The following ARHGEF26 variants were observed in gnomAD, a reference collection of about 807,000 sequenced individuals.
ARHGEF26 encodes the protein Rho guanine nucleotide exchange factor 26, also known as Rho guanine nucleotide exchange factor (GEF) 26.
Under a neutral mutation model 89.4 loss-of-function variants are expected in ARHGEF26, and 59 were observed. That is an observed-to-expected ratio of 0.66 (90% CI 0.54 to 0.82). The LOEUF is 0.82. Among genes scored for constraint, ARHGEF26 ranks in the 40% least tolerant of loss-of-function variants. The pLI, the probability that ARHGEF26 is intolerant of heterozygous loss-of-function variation, is 0.00. For missense variants in ARHGEF26, 1,234 were observed against 1,085.6 expected, an observed-to-expected ratio of 1.14 and a Z score of -1.92; for synonymous variants, 500 against 428.4, an observed-to-expected ratio of 1.17 and a Z score of -2.06.
chr3:154,124,372 CTT>C (rs10688646), intron 2 of ARHGEF26, 36 bp from the exon 3 acceptor site: 29,171 of 970,214 alleles, frequency 0.03, no homozygotes, highest in Non-Finnish European at 0.034. Context: ...TTTGCTTTTC[CTT>C]TTTTTTTTTT....
intron 12 of ARHGEF26, 22 bp from the exon 13 acceptor site, chr3:154,253,094 T>C (rs1277716042): frequency 1.2e-6 from 2 of 1,613,474 alleles, no homozygotes; most frequent in African/African-American, 1.3e-5. Context: ...AGTCTCTCAG[T>C]TGGATCTGCC....
intron 9 of ARHGEF26, among the ~76,000 whole-genome samples, chr3:154,203,099 AGT>A (rs1419028284): frequency 1.3e-5 from 2 of 152,136 alleles, no homozygotes; most frequent in African/African-American, 4.8e-5. Context: ...GAATGCTTCC[AGT>A]TTTTGCCCAT....
intron 6 of ARHGEF26, among the ~76,000 whole-genome samples, chr3:154,182,398 G>T (rs1713243349): frequency 6.6e-6 from 1 of 152,104 alleles, no homozygotes; most frequent in Non-Finnish European, 1.5e-5. Flanking sequence ...GGGCTTCACA[G>T]GGCACCTGTA....
At chr3:154,147,687 A>G (rs1164830982) in intron 4 of ARHGEF26, among the ~76,000 whole-genome samples, 2 of 152,198 alleles carry the variant, frequency 1.3e-5, no homozygotes, top group African/African-American at 4.8e-5. Flanking sequence ...AGTGATTTTT[A>G]CTTAGGTTTA....
intron 6 of ARHGEF26, among the ~76,000 whole-genome samples, chr3:154,158,160 C>G (rs1711501479): frequency 1.3e-5 from 2 of 152,084 alleles, no homozygotes; most frequent in African/African-American, 2.4e-5. Context: ...CACTGAAGCC[C>G]TTTTTGAGAT....
At chr3:154,198,531 G>A (rs1411914486) in intron 9 of ARHGEF26, among the ~76,000 whole-genome samples, 1 of 152,130 alleles carries the variant, frequency 6.6e-6, no homozygotes, top group Non-Finnish European at 1.5e-5. Context: ...TATACACCAT[G>A]GAATACTACT....
At chr3:154,252,051 C>T (rs1718191990) in intron 12 of ARHGEF26, among the ~76,000 whole-genome samples, 1 of 152,156 alleles carries the variant, frequency 6.6e-6, no homozygotes. Context: ...GGTAAGTCAT[C>T]CTCTCTGCCT....
intron 6 of ARHGEF26, among the ~76,000 whole-genome samples, chr3:154,178,894 C>A (rs1230709915): frequency 6.6e-6 from 1 of 152,178 alleles, no homozygotes; most frequent in African/African-American, 2.4e-5. Context: ...CCCTGCCCTT[C>A]ACCCTGCTCC....
intron 7 of ARHGEF26, 123 bp from the exon 8 acceptor site, chr3:154,191,166 C>T: frequency 1.9e-6 from 2 of 1,059,310 alleles, no homozygotes; most frequent in Non-Finnish European, 2.6e-6. Flanking sequence ...ATGATATTTT[C>T]ATACAGTTTA....
intron 9 of ARHGEF26, 53 bp downstream of exon 9, chr3:154,194,771 C>G (rs1714185468): frequency 1.4e-6 from 2 of 1,472,542 alleles, no homozygotes; most frequent in African/African-American, 2.8e-5. Context: ...TCAGTTAGCT[C>G]AGACACAAAG....
intron 9 of ARHGEF26, among the ~76,000 whole-genome samples, chr3:154,212,825 C>G (rs1045160857): frequency 2.0e-5 from 3 of 151,980 alleles, no homozygotes; most frequent in Non-Finnish European, 2.9e-5. Flanking sequence ...CACCTCCTGC[C>G]GTGCGCTGGA....
chr3:154,122,130 A>C lies in ARHGEF26; in HGVS notation c.138A>C (p.Leu46Phe). ...AGTCCTACCAGAGCCCCAACGGGTTACTAATTACGGATTTCCCGGTGGAGG... is the reference window on the plus strand; with the variant it reads ...AGTCCTACCAGAGCCCCAACGGGTTCCTAATTACGGATTTCCCGGTGGAGG... ...RPQSYQSPNG[L>F]LITDFPVEDG... The change falls in exon 2 of 15, where the codon TTA (leucine) becomes TTC (phenylalanine). Residue 46 changes from leucine (L) to phenylalanine (F), a missense_variant. Physicochemically the swap from Leu to Phe is conservative, Grantham distance 22. Transcript: ENST00000465093. 6.2e-7 allele frequency: 1 copy of C among 1,606,200 alleles called. No homozygotes were observed. Among genetic ancestry groups the C allele is most frequent in the Non-Finnish European group, 8.5e-7 (1 of 1,176,358 alleles).
intron 6 of ARHGEF26, among the ~76,000 whole-genome samples, chr3:154,177,402 G>T (rs905250026): frequency 3.3e-5 from 5 of 152,114 alleles, no homozygotes; most frequent in African/African-American, 9.7e-5. Flanking sequence ...TCTTACCAGG[G>T]TACCTTGCAT....
At chr3:154,144,486 G>A (rs1719581570) in intron 4 of ARHGEF26, among the ~76,000 whole-genome samples, 1 of 152,212 alleles carries the variant, frequency 6.6e-6, no homozygotes, top group Non-Finnish European at 1.5e-5. Context: ...CAAGACATGG[G>A]TAGCAAGCTG....
chr3:154,197,060 A>G (rs1017013138), intron 9 of ARHGEF26, among the ~76,000 whole-genome samples: 1 of 152,150 alleles, frequency 6.6e-6, no homozygotes, highest in Non-Finnish European at 1.5e-5. Flanking sequence ...TGATACTTTC[A>G]GGAAAGGCTG....
chr3:154,177,395 T>TA (rs952610447), intron 6 of ARHGEF26, among the ~76,000 whole-genome samples: 43 of 152,296 alleles, frequency 2.8e-4, no homozygotes, highest in African/African-American at 9.9e-4. Context: ...TATTTCCTCT[T>TA]ACCAGGGTAC....
At chr3:154,134,146 A>G (rs576058078) in intron 4 of ARHGEF26, among the ~76,000 whole-genome samples, 1 of 152,226 alleles carries the variant, frequency 6.6e-6, no homozygotes, top group African/African-American at 2.4e-5. Context: ...GCAGACAGGG[A>G]TAGTTTGACT....
intron 12 of ARHGEF26, among the ~76,000 whole-genome samples, chr3:154,247,880 A>T (rs909838322): frequency 1.3e-5 from 2 of 152,236 alleles, no homozygotes; most frequent in African/African-American, 2.4e-5. Context: ...TGAAAAATAC[A>T]GAAGTCTACC....
intron 6 of ARHGEF26, among the ~76,000 whole-genome samples, chr3:154,158,283 A>G (rs947808013): frequency 6.6e-5 from 10 of 152,384 alleles, no homozygotes; most frequent in African/African-American, 1.9e-4. Context: ...CACAGTGTGC[A>G]TGGATCTTAA....
Sources: gnomAD v4.1 joint callset for allele counts (sites outside exome capture counted in the v4.1 genomes callset) on GRCh38, gnomAD v4.1.1 for gene constraint, MANE v1.5 for transcripts, NCBI Gene and HGNC (gene_info 2026-07-23, HGNC 2026-07-21) for gene names.